The following CFAP20 variants were observed in gnomAD, a reference collection of about 807,000 sequenced individuals.
CFAP20 encodes the protein cilia- and flagella-associated protein 20.
CFAP20 carries 14 observed loss-of-function variants against 25.5 expected under a neutral mutation model. That is an observed-to-expected ratio of 0.55 (90% CI 0.36 to 0.86). CFAP20 has a LOEUF of 0.86. Ranked by LOEUF, CFAP20 falls within the 40% of genes least tolerant of loss-of-function variation. CFAP20 has a pLI of 0.01. For synonymous variants in CFAP20, 75 were observed against 91.1 expected, an observed-to-expected ratio of 0.82 and a Z score of 1.01; for missense variants, 181 against 248.0, an observed-to-expected ratio of 0.73 and a Z score of 1.81.
In CFAP20 at chr16:58,120,944, T is replaced by C. The variant is rs372265148; in HGVS notation, c.85-3993A>G. On this transcript the variant is annotated intron_variant, in intron 1 of 5. Transcript: ENST00000262498. ...GTGAAAAGTCTCCAGAGGTTTGAAATCAAATTAAGTGGATTTGTTAGTGAA... is the reference window on the plus strand; with the variant it reads ...GTGAAAAGTCTCCAGAGGTTTGAAACCAAATTAAGTGGATTTGTTAGTGAA... Among the ~76,000 whole-genome samples the C allele has an allele frequency of 1.2e-4, 18 of 152,326 alleles. No individual in the cohort carries two copies. In the South Asian group the frequency reaches 2.7e-3, roughly 23 times the overall value.
intron 1 of CFAP20, among the ~76,000 whole-genome samples, chr16:58,121,057 A>G (rs922390478): frequency 1.3e-5 from 2 of 152,222 alleles, no homozygotes; most frequent in African/African-American, 4.8e-5. Flanking sequence ...AGGGCGATCA[A>G]TCAGATATGT....
intron 1 of CFAP20, among the ~76,000 whole-genome samples, chr16:58,128,657 T>C (rs1960655934): frequency 6.6e-6 from 1 of 152,194 alleles, no homozygotes; most frequent in African/African-American, 2.4e-5. Context: ...TTCAAATAAG[T>C]TCGTGCATTT....
intron 2 of CFAP20, 145 bp from the exon 3 acceptor site, chr16:58,116,297 T>G: frequency 1.7e-6 from 1 of 572,876 alleles, no homozygotes; most frequent in Non-Finnish European, 3.0e-6. Flanking sequence ...CCCTCAGCCC[T>G]AAGTCAGCGG....
intron 1 of CFAP20, 43 bp downstream of exon 1, chr16:58,128,989 G>A: frequency 1.9e-6 from 3 of 1,585,736 alleles, no homozygotes; most frequent in African/African-American, 2.7e-5. Context: ...CGAGGAGGGG[G>A]TGCAGCCCCT....
At chr16:58,115,176 C>A in intron 4 of CFAP20, 93 bp downstream of exon 4, 2 of 1,524,510 alleles carry the variant, frequency 1.3e-6, no homozygotes, top group Non-Finnish European at 1.8e-6. Flanking sequence ...AAGCCAGAAA[C>A]CCACACTGTT....
intron 1 of CFAP20, among the ~76,000 whole-genome samples, chr16:58,121,330 G>A (rs957397795): frequency 6.6e-6 from 1 of 152,202 alleles, no homozygotes; most frequent in Non-Finnish European, 1.5e-5. Flanking sequence ...CTGGGCAGGC[G>A]TGGCTTTGGG....
intron 1 of CFAP20, among the ~76,000 whole-genome samples, chr16:58,128,403 G>C (rs1960650926): frequency 6.6e-6 from 1 of 152,194 alleles, no homozygotes; most frequent in Non-Finnish European, 1.5e-5. Context: ...AGTGAGTGTG[G>C]AGCAGGTGCC....
At chr16:58,122,925 G>A (rs942032404) in intron 1 of CFAP20, among the ~76,000 whole-genome samples, 4 of 152,196 alleles carry the variant, frequency 2.6e-5, no homozygotes, top group Non-Finnish European at 4.4e-5. Flanking sequence ...GAGAAAGACA[G>A]GGTGACAGGA....
intron 1 of CFAP20, among the ~76,000 whole-genome samples, chr16:58,124,846 T>TAAGCCA: frequency 6.6e-6 from 1 of 152,330 alleles, no homozygotes; most frequent in South Asian, 2.1e-4. Flanking sequence ...ATTACAGGCA[T>TAAGCCA]GAGCCACTGT....
chr16:58,113,808 C>T lies in CFAP20; in HGVS notation c.*217G>A, dbSNP rs754627989. The T allele has an allele frequency of 2.8e-5, 16 of 566,498 alleles. No homozygotes were observed. The highest frequency in any genetic ancestry group is 9.4e-5 in the African/African-American group (5 of 53,092). The allele number at this position is 566,498 out of a possible 1,614,324, so 35.1% of individuals were successfully genotyped here. ...GGCGGAATAAGCTCCAGCGTTCATG[C>T]GCCACTCACAGGACTGCTTACCCCC... is the stretch of plus-strand genomic sequence containing the variant. On this transcript the variant is annotated 3_prime_UTR_variant, in exon 6 of 6. Coordinates refer to ENST00000262498, the MANE Select transcript of CFAP20 (RefSeq NM_013242.3).
At chr16:58,119,142 T>C (rs1425983870) in intron 1 of CFAP20, 1 of 152,224 alleles carries the variant, frequency 6.6e-6, no homozygotes, top group Non-Finnish European at 1.5e-5. Flanking sequence ...GACATTAGTC[T>C]CTGTGAGCTC....
At chr16:58,124,977 G>A (rs192794751) in intron 1 of CFAP20, among the ~76,000 whole-genome samples, 1 of 152,168 alleles carries the variant, frequency 6.6e-6, no homozygotes, top group Admixed American at 6.5e-5. Context: ...TGGCTTACTG[G>A]AACTTTTTTA....
chr16:58,121,163 C>T (rs1960529604), intron 1 of CFAP20, among the ~76,000 whole-genome samples: 1 of 152,194 alleles, frequency 6.6e-6, no homozygotes, highest in East Asian at 1.9e-4. Context: ...AGGCTCCCCA[C>T]CACCCTGGCC....
chr16:58,122,581 CA>C lies in CFAP20; in HGVS notation c.85-5631del, dbSNP rs1043528676. Among the ~76,000 whole-genome samples the C allele has an allele frequency of 4.0e-4, 59 of 149,348 alleles. No individual in the cohort carries two copies. The South Asian group carries it at 8.5e-3, about 21-fold the overall frequency. ...TGGGTGACAGAGCGAGACTCTGTTT[CA>C]AAAAAAAAGAAAAACAAAACCAAAA... On this transcript the variant is annotated intron_variant, in intron 1 of 5. Coordinates refer to ENST00000262498, the MANE Select transcript of CFAP20 (RefSeq NM_013242.3).
chr16:58,115,605 C>T (rs1960446873), intron 3 of CFAP20, 148 bp from the exon 4 acceptor site: 1 of 899,656 alleles, frequency 1.1e-6, no homozygotes, highest in Admixed American at 2.6e-5. Flanking sequence ...AGGTCATACA[C>T]TGCATGCAGA....
chr16:58,126,248 C>T (rs1309191372), intron 1 of CFAP20, among the ~76,000 whole-genome samples: 3 of 152,148 alleles, frequency 2.0e-5, no homozygotes, highest in Non-Finnish European at 4.4e-5. Context: ...CAGGCACACC[C>T]ATGAGGCTTA....
chr16:58,128,396 G>C (rs1017743097), intron 1 of CFAP20, among the ~76,000 whole-genome samples: 2 of 152,206 alleles, frequency 1.3e-5, no homozygotes, highest in East Asian at 3.8e-4. Flanking sequence ...AAGTCACAGT[G>C]AGTGTGGAGC....
At chr16:58,124,755 G>A (rs879316975) in intron 1 of CFAP20, among the ~76,000 whole-genome samples, 1 of 152,190 alleles carries the variant, frequency 6.6e-6, no homozygotes, top group Non-Finnish European at 1.5e-5. Flanking sequence ...GAAGGCCTAG[G>A]ACATTACTGA....
At chr16:58,126,429 C>T (rs977552759) in intron 1 of CFAP20, among the ~76,000 whole-genome samples, 7 of 152,142 alleles carry the variant, frequency 4.6e-5, no homozygotes, top group African/African-American at 1.4e-4. Context: ...GTGAATACAG[C>T]GTTCACTTCT....
Sources: gnomAD v4.1 joint callset for allele counts (sites outside exome capture counted in the v4.1 genomes callset) on GRCh38, gnomAD v4.1.1 for gene constraint, MANE v1.5 for transcripts, NCBI Gene and HGNC (gene_info 2026-07-23, HGNC 2026-07-21) for gene names.